SHB: variants seen among roughly 807,000 people sequenced by gnomAD.
SHB encodes SH2 domain-containing adapter protein B.
In SHB, 20 loss-of-function variants were observed where a neutral mutation model predicts 52.3. The ratio of observed to expected loss-of-function variants is 0.38; its 90% CI spans 0.27 to 0.56. SHB has a LOEUF of 0.56. Ranked by LOEUF, SHB falls within the 20% of genes least tolerant of loss-of-function variation. The probability of loss-of-function intolerance (pLI) is 0.71; values close to 1 mark genes in which losing one functional copy is unlikely to be tolerated. For missense variants in SHB, 825 were observed against 723.3 expected (o/e 1.14, Z -1.61); for synonymous variants, 397 against 316.5 (o/e 1.25, Z -2.70).
intron 2 of SHB, among the ~76,000 whole-genome samples, chr9:37,988,975 G>A (rs1281141325): frequency 6.6e-6 from 1 of 152,142 alleles, no homozygotes; most frequent in African/African-American, 2.4e-5. Flanking sequence ...TGGCTCTCCT[G>A]GGTCTCCAGC....
chr9:37,945,545 GAAC>G (rs913602022), intron 5 of SHB, among the ~76,000 whole-genome samples: 3 of 152,222 alleles, frequency 2.0e-5, no homozygotes, highest in Non-Finnish European at 2.9e-5. Context: ...GGGCAGGTGA[GAAC>G]AACCCCGGCC....
intron 3 of SHB, among the ~76,000 whole-genome samples, chr9:37,971,337 A>C (rs1820588290): frequency 6.6e-6 from 1 of 152,202 alleles, no homozygotes; most frequent in Non-Finnish European, 1.5e-5. Flanking sequence ...GCAACACATC[A>C]GCAATCTAAC....
intron 1 of SHB, among the ~76,000 whole-genome samples, chr9:38,031,270 G>A (rs1400081309): frequency 2.0e-5 from 3 of 152,094 alleles, no homozygotes; most frequent in Non-Finnish European, 4.4e-5. Flanking sequence ...GCAGTGAGCC[G>A]AGATCTCGCC....
chr9:37,991,440 A>G (rs951795026), intron 2 of SHB, among the ~76,000 whole-genome samples: 14 of 152,184 alleles, frequency 9.2e-5, no homozygotes, highest in African/African-American at 3.4e-4. Flanking sequence ...ACTTCATGTA[A>G]TGTTTATACA....
At chr9:38,047,023 C>T (rs1442350231) in intron 1 of SHB, among the ~76,000 whole-genome samples, 1 of 152,204 alleles carries the variant, frequency 6.6e-6, no homozygotes, top group African/African-American at 2.4e-5. Context: ...ATCACCTAGC[C>T]ATGGCACCTC....
At chr9:37,939,293 G>A (rs1832410495) in intron 5 of SHB, among the ~76,000 whole-genome samples, 1 of 152,216 alleles carries the variant, frequency 6.6e-6, no homozygotes, top group South Asian at 2.1e-4. Context: ...GGCTGAGAAG[G>A]GTCAGGAAAG....
chr9:38,026,186 G>GGCCTTTCCTGTGCAATGTGGT (rs1821340094), intron 1 of SHB, among the ~76,000 whole-genome samples: 1 of 152,250 alleles, frequency 6.6e-6, no homozygotes, highest in African/African-American at 2.4e-5. Context: ...GTGAGCCAAA[G>GGCCTTTCCTGTGCAATGTGGT]GCCTTTCCTG....
intron 5 of SHB, among the ~76,000 whole-genome samples, chr9:37,941,306 A>G (rs776017): frequency 0.56 from 85,801 of 152,092 alleles, 24,428 homozygotes; most frequent in Middle Eastern, 0.64. Context: ...TATATGCTGG[A>G]GCATATGCTA....
At chr9:37,927,950 C>CTT (rs537078307) in intron 5 of SHB, among the ~76,000 whole-genome samples, 46 of 145,336 alleles carry the variant, frequency 3.2e-4, no homozygotes, top group African/African-American at 1.0e-3. Context: ...CTCTTTCTCT[C>CTT]TTTTTTTTTT....
intron 1 of SHB, among the ~76,000 whole-genome samples, chr9:38,054,619 C>T (rs1022022099): frequency 1.3e-5 from 2 of 152,302 alleles, no homozygotes; most frequent in South Asian, 4.1e-4. Context: ...GAATCTGGCT[C>T]TGTGGGCAGT....
chr9:37,975,957 G>A (rs2117970632), intron 2 of SHB, among the ~76,000 whole-genome samples: 1 of 152,360 alleles, frequency 6.6e-6, no homozygotes, highest in South Asian at 2.1e-4. Flanking sequence ...CCAATGCGAT[G>A]AGGCTGGAAA....
intron 1 of SHB, among the ~76,000 whole-genome samples, chr9:38,046,583 GC>G (rs1443346967): frequency 6.6e-6 from 1 of 152,182 alleles, no homozygotes; most frequent in Admixed American, 6.5e-5. Flanking sequence ...TCTAGAAACT[GC>G]CCACGGCTTT....
At chr9:37,964,292 G>A (rs1402956409) in intron 3 of SHB, among the ~76,000 whole-genome samples, 1 of 152,214 alleles carries the variant, frequency 6.6e-6, no homozygotes, top group African/African-American at 2.4e-5. Context: ...TGTGAAGCAG[G>A]TGCCAGGACG....
intron 1 of SHB, among the ~76,000 whole-genome samples, chr9:38,063,196 G>A (rs1793114473): frequency 6.6e-6 from 1 of 152,208 alleles, no homozygotes; most frequent in African/African-American, 2.4e-5. Context: ...CCTGACCTTT[G>A]CCATTAGTGA....
intron 4 of SHB, 139 bp from the exon 5 acceptor site, chr9:37,948,893 T>G: frequency 9.2e-7 from 1 of 1,083,378 alleles, no homozygotes; most frequent in Non-Finnish European, 1.3e-6. Flanking sequence ...GGGTACCCAC[T>G]GCCCGCCTGC....
At chr9:37,958,444 T>C (rs115757890) in intron 3 of SHB, among the ~76,000 whole-genome samples, 48 of 152,288 alleles carry the variant, frequency 3.2e-4, no homozygotes, top group African/African-American at 1.2e-3. Flanking sequence ...AAGGCCCTAA[T>C]TAAGCTTCCA....
At position 38,068,600 on chromosome 9, in the gene SHB, T is replaced by C; in HGVS notation, c.46A>G (p.Thr16Ala). ...NKYFSLGNSK[T>A]KSPPQPPRPD... ...CGCGGCGGCTGCGGGGGGCTCTTGG[T>C]CTTGCTGTTGCCCAAGCTGAAGTAC... Residue 16 changes from threonine (T) to alanine (A), a missense_variant, in exon 1 of 6, where the codon ACC becomes GCC. By Grantham distance (58) the Thr-to-Ala change is moderately conservative. Transcript: ENST00000377707. 6.7e-7 allele frequency: 1 copy of C among 1,493,058 alleles called. No individual in the cohort carries two copies. The highest frequency in any genetic ancestry group is 2.3e-5 in the Admixed American group (1 of 43,480). The allele number at this position is 1,493,058 out of a possible 1,614,324, so 92.5% of individuals were successfully genotyped here.
At chr9:37,956,511 T>G (rs758070549) in intron 3 of SHB, among the ~76,000 whole-genome samples, 30 of 152,224 alleles carry the variant, frequency 2.0e-4, no homozygotes, top group Non-Finnish European at 3.7e-4. Context: ...TTCCCTGGGA[T>G]ACTCCTATAG....
intron 2 of SHB, among the ~76,000 whole-genome samples, chr9:37,992,837 G>C (rs1472636915): frequency 2.0e-5 from 3 of 151,828 alleles, no homozygotes; most frequent in South Asian, 2.1e-4. Flanking sequence ...TAGAAACAGG[G>C]TCTGGTGAGC....
Sources: allele counts gnomAD v4.1 joint callset (sites outside exome capture counted in the v4.1 genomes callset), GRCh38; gene constraint gnomAD v4.1.1; transcripts MANE v1.5; gene names NCBI Gene and HGNC (gene_info 2026-07-23, HGNC 2026-07-21).